FAM200B: variants seen among roughly 807,000 people sequenced by gnomAD.
FAM200B encodes protein FAM200B.
FAM200B carries 32 observed loss-of-function variants against 33.1 expected under a neutral mutation model. The observed-to-expected ratio is 0.97, with a 90% CI of 0.73 to 1.30. The LOEUF is 1.30. FAM200B is among the 50% of genes most tolerant of loss of function. The pLI is 0.00. For synonymous variants in FAM200B, 240 were observed against 264.8 expected (o/e 0.91, Z 0.91); for missense variants, 741 against 754.0 (o/e 0.98, Z 0.20).
At chr4:15,640,923 G>C in the FAM200B span, 7 of 1,147,488 alleles carry the variant, frequency 6.1e-6, no homozygotes, top group Non-Finnish European at 7.3e-6. Context: ...TAAAAGTTTC[G>C]CTTCATTAAT....
Position 15,687,936 on chromosome 4 carries a change from G to C in FAM200B, c.959G>C (p.Gly320Ala), listed in dbSNP as rs1310378158. Reference protein sequence around the residue: ...IKKLLEVTNNGAVWNHCFIHR... With the variant: ...IKKLLEVTNNAAVWNHCFIHR... The stretch of plus-strand genomic sequence containing the variant: ...AAATTACTAGAAGTTACTAATAATG[G>C]TGCTGTGTGGAATCATTGTTTTATA... The change falls in exon 2 of 2, where the codon GGT (glycine) becomes GCT (alanine). Residue 320 changes from glycine to alanine, a missense_variant. Gly to Ala is a moderately conservative substitution (Grantham distance 60). Coordinates refer to ENST00000422728, the MANE Select transcript of FAM200B (RefSeq NM_001145191.2). 2.6e-6 allele frequency: 4 copies of C among 1,550,838 alleles called. No individual in the cohort carries two copies. In the South Asian group the frequency reaches 3.6e-5, roughly 14 times the overall value.
chr4:15,659,011 C>T, the FAM200B span, among the ~76,000 whole-genome samples: 2 of 152,142 alleles, frequency 1.3e-5, no homozygotes, highest in Non-Finnish European at 2.9e-5. Context: ...TCATACTATC[C>T]ACCCCATCCT....
the FAM200B span, chr4:15,644,683 T>C: frequency 3.1e-6 from 5 of 1,609,218 alleles, no homozygotes; most frequent in Non-Finnish European, 4.2e-6. Context: ...GAAATCGTTG[T>C]TGTTGGAAAA....
Position 15,687,816 on chromosome 4 carries a change from T to C in FAM200B, c.839T>C (p.Ile280Thr). 1.2e-5 allele frequency: 18 copies of C among 1,551,192 alleles called. No individual in the cohort carries two copies. The highest frequency in any genetic ancestry group is 1.5e-5 in the Non-Finnish European group (17 of 1,146,674). ...ATTTTTACAGAATTAGAAAGGCGCATAGTTGGCCAATATAAATTAAACTGG... is the reference window on the plus strand; with the variant it reads ...ATTTTTACAGAATTAGAAAGGCGCACAGTTGGCCAATATAAATTAAACTGG... Reference protein sequence around the residue: ...LDIFTELERRIVGQYKLNWKN... With the variant: ...LDIFTELERRTVGQYKLNWKN... Residue 280 changes from isoleucine to threonine, a missense_variant, in exon 2 of 2, where the codon ATA becomes ACA. Ile to Thr is a moderately conservative substitution (Grantham distance 89). Coordinates refer to ENST00000422728, the MANE Select transcript of FAM200B (RefSeq NM_001145191.2).
At chr4:15,655,516 C>T in the FAM200B span, 2 of 349,032 alleles carry the variant, frequency 5.7e-6, no homozygotes, top group Non-Finnish European at 8.1e-6. Flanking sequence ...CTGCCTCCCG[C>T]CCCCACTCTT....
chr4:15,681,481 G>C (rs944415897), upstream of FAM200B: 3 of 165,568 alleles, frequency 1.8e-5, no homozygotes, highest in Non-Finnish European at 4.4e-5. Flanking sequence ...GACTCTGTCC[G>C]GACTAGCCCT....
the FAM200B span, among the ~76,000 whole-genome samples, chr4:15,643,154 C>A: frequency 2.0e-5 from 3 of 152,118 alleles, no homozygotes; most frequent in Non-Finnish European, 4.4e-5. Context: ...TAGTACCCTA[C>A]CCCAACCAAA....
the FAM200B span, among the ~76,000 whole-genome samples, chr4:15,637,917 A>G: frequency 1.3e-5 from 2 of 148,544 alleles, no homozygotes; most frequent in Admixed American, 6.8e-5. Context: ...AAAAAAAAAA[A>G]GGCAGCACGT....
the FAM200B span, chr4:15,640,904 A>T: frequency 7.8e-7 from 1 of 1,276,494 alleles, no homozygotes; most frequent in Non-Finnish European, 1.1e-6. Flanking sequence ...AAAAAAAAAT[A>T]CATTTTTATA....
the FAM200B span, among the ~76,000 whole-genome samples, chr4:15,649,556 G>T: frequency 1.4e-5 from 2 of 140,676 alleles, no homozygotes; most frequent in African/African-American, 2.7e-5. Context: ...CTCCAGCCTG[G>T]AGACAGGGCA....
At chr4:15,641,534 G>A in the FAM200B span, 1 of 423,216 alleles carries the variant, frequency 2.4e-6, no homozygotes, top group Non-Finnish European at 4.7e-6. Context: ...CTTACTGTAA[G>A]AATCCAGTAT....
the FAM200B span, among the ~76,000 whole-genome samples, chr4:15,671,554 G>A: frequency 2.0e-5 from 3 of 152,256 alleles, no homozygotes; most frequent in Non-Finnish European, 2.9e-5. Context: ...AATTACAGGC[G>A]TGAGCCACCA....
chr4:15,678,339 C>A (rs1277741865), upstream of FAM200B, among the ~76,000 whole-genome samples: 1 of 152,168 alleles, frequency 6.6e-6, no homozygotes, highest in Non-Finnish European at 1.5e-5. Flanking sequence ...CAATAACTTA[C>A]TCAGAATTTG....
At chr4:15,685,397 A>G (rs1488955680) in intron 1 of FAM200B, among the ~76,000 whole-genome samples, 1 of 152,220 alleles carries the variant, frequency 6.6e-6, no homozygotes, top group Non-Finnish European at 1.5e-5. Flanking sequence ...CTGGATAAGC[A>G]GGCTTGAACA....
chr4:15,640,555 T>C, the FAM200B span, among the ~76,000 whole-genome samples: 1 of 152,046 alleles, frequency 6.6e-6, no homozygotes, highest in Non-Finnish European at 1.5e-5. Context: ...AAATTAATAT[T>C]TCCTGAGTAA....
the FAM200B span, chr4:15,659,681 C>G: frequency 1.0e-6 from 1 of 972,028 alleles, no homozygotes; most frequent in Non-Finnish European, 1.2e-6. Flanking sequence ...AATTTTCAGA[C>G]AGAGAAGAGC....
intron 1 of FAM200B, among the ~76,000 whole-genome samples, chr4:15,683,304 T>TA (rs138128286): frequency 0.047 from 7,109 of 151,606 alleles, 344 homozygotes; most frequent in East Asian, 0.22. Context: ...CCTATTGAGT[T>TA]AAAAAAAAAC....
At chr4:15,663,409 A>C in the FAM200B span, among the ~76,000 whole-genome samples, 1 of 152,176 alleles carries the variant, frequency 6.6e-6, no homozygotes, top group Non-Finnish European at 1.5e-5. Context: ...GAGGTTTCAA[A>C]ATGGTTTGAC....
At chr4:15,645,829 T>C in the FAM200B span, among the ~76,000 whole-genome samples, 1 of 152,392 alleles carries the variant, frequency 6.6e-6, no homozygotes, top group South Asian at 2.1e-4. Flanking sequence ...GCTATTATCA[T>C]TTTGAAAATT....
Sources: allele counts gnomAD v4.1 joint callset (sites outside exome capture counted in the v4.1 genomes callset), GRCh38; gene constraint gnomAD v4.1.1; transcripts MANE v1.5; gene names NCBI Gene and HGNC (gene_info 2026-07-23, HGNC 2026-07-21).